Variants in BRF1 observed in about 807,000 individuals in gnomAD.
BRF1 encodes the protein BRF1 general transcription factor IIIB subunit.
BRF1 carries 59 observed loss-of-function variants against 81.7 expected under a neutral mutation model. The ratio of observed to expected loss-of-function variants is 0.72; its 90% CI spans 0.59 to 0.90. The LOEUF (loss-of-function observed/expected upper bound fraction) is 0.90, where lower values mean the gene tolerates loss of function less well. Among genes scored for constraint, BRF1 ranks in the 40% least tolerant of loss-of-function variants. The probability of loss-of-function intolerance (pLI) is 0.00; values close to 1 mark genes in which losing one functional copy is unlikely to be tolerated. For missense variants in BRF1, 1,050 were observed against 936.3 expected (o/e 1.12, Z -1.58); for synonymous variants, 491 against 395.6 (o/e 1.24, Z -2.86).
At chr14:105,312,682 G>A (rs1393734879) in intron 1 of BRF1, among the ~76,000 whole-genome samples, 1 of 152,242 alleles carries the variant, frequency 6.6e-6, no homozygotes, top group Non-Finnish European at 1.5e-5. Flanking sequence ...TCCGACAGAG[G>A]AGGGCAGTGC....
chr14:105,308,906 C>G (rs2058269374), intron 1 of BRF1, among the ~76,000 whole-genome samples: 1 of 151,934 alleles, frequency 6.6e-6, no homozygotes, highest in East Asian at 2.0e-4. Flanking sequence ...TCCAGGAGAT[C>G]TGGCCTACAG....
chr14:105,256,294 G>A (rs1316603403), intron 4 of BRF1: 5 of 1,546,186 alleles, frequency 3.2e-6, no homozygotes, highest in Non-Finnish European at 3.5e-6. Flanking sequence ...ATTGGCAGGT[G>A]CCCTCCTGCC....
chr14:105,311,100 G>A (rs142398643), intron 1 of BRF1, among the ~76,000 whole-genome samples: 198 of 152,114 alleles, frequency 1.3e-3, no homozygotes, highest in Non-Finnish European at 2.3e-3. Context: ...TTACAGGCGC[G>A]CACCATCATG....
At chr14:105,219,853 G>A in intron 12 of BRF1, 1 of 597,094 alleles carries the variant, frequency 1.7e-6, no homozygotes, top group Non-Finnish European at 3.0e-6. Flanking sequence ...CGCAAAGCCA[G>A]GGGCCTCTCG....
At position 105,210,603 on chromosome 14, in the gene BRF1, A is replaced by G; in HGVS notation, c.1997-15T>C. The G allele has an allele frequency of 6.2e-7, 1 of 1,611,038 alleles. No homozygotes were observed. The highest frequency in any genetic ancestry group is 1.1e-5 in the South Asian group (1 of 91,032). ...ACAGCCATAGTCTGCAGAAGAGCAC[A>G]GTCATGAAGCCCAGGGTCTCTGTGG... On this transcript the variant is annotated splice_polypyrimidine_tract_variant and intron_variant, in intron 17 of 17. Transcript: ENST00000547530. The surrounding 1 kb of genome is among the most constrained non-coding windows in gnomAD (Gnocchi z 4.7).
Position 105,271,366 on chromosome 14 carries a change from C to G in BRF1, c.439+1355G>C, listed in dbSNP as rs2056646807. On this transcript the variant is annotated intron_variant, in intron 3 of 17. Transcript: ENST00000547530. This position sits in a 1 kb window ranked among gnomAD's most constrained non-coding sequence, Gnocchi z 5.5. ...AAGCCCCGCAGCTGCACAGCAAGGG[C>G]CAGGAGCCAGAGGGCCACAGAACTG... is the stretch of plus-strand genomic sequence containing the variant. Among the ~76,000 whole-genome samples the G allele has an allele frequency of 2.0e-5, 3 of 152,230 alleles. No homozygotes were observed. Among genetic ancestry groups the G allele is most frequent in the Non-Finnish European group, 4.4e-5 (3 of 68,048 alleles).
chr14:105,255,042 G>A (rs947282818), intron 4 of BRF1, among the ~76,000 whole-genome samples: 4 of 152,334 alleles, frequency 2.6e-5, no homozygotes, highest in East Asian at 3.9e-4. Flanking sequence ...GACTGCCCTC[G>A]TGGGTGTCTG....
At chr14:105,297,952 T>A (rs954303628) in intron 1 of BRF1, among the ~76,000 whole-genome samples, 1 of 152,226 alleles carries the variant, frequency 6.6e-6, no homozygotes, top group South Asian at 2.1e-4. Flanking sequence ...GCCGAGATAG[T>A]GCCACTGCAC....
rs587647805 is a variant in BRF1, at chr14:105,229,619, C to A, written c.695-706G>T. On this transcript the variant is annotated intron_variant, in intron 6 of 17. Transcript: ENST00000547530. Reference sequence around the variant, plus strand: ...GACCTGGGGGGTCACAGAGGTCCAACTAGAACAGTCGCCCAGCTGGGGGCG... The same window carrying A: ...GACCTGGGGGGTCACAGAGGTCCAAATAGAACAGTCGCCCAGCTGGGGGCG... Among the ~76,000 whole-genome samples the A allele has an allele frequency of 1.5e-4, 23 of 152,366 alleles. No individual in the cohort carries two copies. In the East Asian group the frequency reaches 4.4e-3, roughly 29 times the overall value.
intron 1 of BRF1, among the ~76,000 whole-genome samples, chr14:105,299,175 A>G (rs924133414): frequency 3.3e-5 from 5 of 151,934 alleles, no homozygotes; most frequent in African/African-American, 1.2e-4. Context: ...TCCATCTCAA[A>G]AGAAAAAAAA....
chr14:105,262,637 G>A (rs1198018827), intron 3 of BRF1, among the ~76,000 whole-genome samples: 1 of 152,172 alleles, frequency 6.6e-6, no homozygotes, highest in Non-Finnish European at 1.5e-5. Flanking sequence ...GCCTCCCACA[G>A]AGCTGGGAGC....
At chr14:105,228,231 AG>A (rs950529006) in intron 7 of BRF1, 17 of 152,426 alleles carry the variant, frequency 1.1e-4, no homozygotes, top group African/African-American at 4.1e-4. Context: ...TTTGTGACTT[AG>A]GGCAACTTTA....
Position 105,247,269 on chromosome 14 carries a change from T to G in BRF1, c.544+5238A>C, listed in dbSNP as rs1218065121. On this transcript the variant is annotated intron_variant, in intron 5 of 17. Coordinates refer to ENST00000547530, the MANE Select transcript of BRF1 (RefSeq NM_001519.4). ...TACAGCTTTCCAAACGGCTTGGCCG[T>G]GCGGAGTTACGCACCCACCTGCAGC... is the stretch of plus-strand genomic sequence containing the variant. 3 of 985,194 alleles carry G rather than the reference T, an allele frequency of 3.0e-6. No individual in the cohort carries two copies. The African/African-American group carries it at 5.2e-5, about 17-fold the overall frequency. 61.0% of individuals were successfully genotyped at this position (985,194 alleles called of 1,614,324 possible).
At chr14:105,314,478 C>A (rs1237568829) in intron 1 of BRF1, 1 of 147,972 alleles carries the variant, frequency 6.8e-6, no homozygotes, top group East Asian at 2.0e-4. Flanking sequence ...CGGGGCGCCC[C>A]GGGCGGGGTC....
At chr14:105,248,672 G>A in intron 5 of BRF1, 4 of 981,660 alleles carry the variant, frequency 4.1e-6, no homozygotes, top group Non-Finnish European at 4.8e-6. Context: ...TGGCAGGGGA[G>A]CGGGTGGCAG....
intron 5 of BRF1, chr14:105,248,563 A>T: frequency 3.8e-6 from 1 of 263,636 alleles, no homozygotes; most frequent in Non-Finnish European, 4.5e-6. Context: ...CGCGGCGGGT[A>T]CGGGCTCGGG....
At chr14:105,212,481 C>T (rs61996214) in intron 15 of BRF1, 49,894 of 346,156 alleles carry the variant, frequency 0.14, 4,243 homozygotes, top group African/African-American at 0.21. Context: ...CCCTACCTCA[C>T]TCAGGGAGGA....
intron 1 of BRF1, among the ~76,000 whole-genome samples, chr14:105,289,801 G>A (rs2057449611): frequency 6.6e-6 from 1 of 152,012 alleles, no homozygotes; most frequent in South Asian, 2.1e-4. Context: ...ACGCCCAGCT[G>A]ATTTTTGTAT....
chr14:105,311,082 AG>A (rs2058339525), intron 1 of BRF1, among the ~76,000 whole-genome samples: 1 of 150,750 alleles, frequency 6.6e-6, no homozygotes, highest in African/African-American at 2.5e-5. Flanking sequence ...CCTCCCGAGT[AG>A]CTGGGATTAC....
Sources: gnomAD v4.1 joint callset for allele counts (sites outside exome capture counted in the v4.1 genomes callset) on GRCh38, gnomAD v4.1.1 for gene constraint, Gnocchi (gnomAD v3.1) non-coding constraint, MANE v1.5 for transcripts, NCBI Gene and HGNC (gene_info 2026-07-23, HGNC 2026-07-21) for gene names.